Variants in BMI1 observed in about 807,000 individuals in gnomAD.
BMI1 encodes the protein BMI1 proto-oncogene, polycomb ring finger, also known as polycomb complex protein BMI-1.
BMI1 carries 9 observed loss-of-function variants against 39.1 expected under a neutral mutation model. The ratio of observed to expected loss-of-function variants is 0.23; its 90% CI spans 0.14 to 0.40. BMI1 has a LOEUF of 0.40. Among genes scored for constraint, BMI1 ranks in the 10% least tolerant of loss-of-function variants. BMI1 has a pLI of 1.00. For missense variants in BMI1, 252 were observed against 390.8 expected (o/e 0.64, Z 2.99); for synonymous variants, 131 against 127.9 (o/e 1.02, Z -0.16).
chr10:22,328,809 A>G, intron 8 of BMI1, 111 bp downstream of exon 8: 5 of 1,178,900 alleles, frequency 4.2e-6, no homozygotes, highest in African/African-American at 1.6e-5. Context: ...ATGTGAAGTT[A>G]GTGCTAAAGT....
At chr10:22,326,788 T>C in intron 2 of BMI1, 102 bp from the exon 3 acceptor site, 1 of 1,436,974 alleles carries the variant, frequency 7.0e-7, no homozygotes, top group Non-Finnish European at 9.6e-7. Flanking sequence ...TAGTTGGAAA[T>C]GCCTTTCACC....
At chr10:22,326,834 A>G (rs1836166075) in intron 2 of BMI1, 56 bp from the exon 3 acceptor site, 1 of 1,594,124 alleles carries the variant, frequency 6.3e-7, no homozygotes, top group Admixed American at 1.7e-5. Context: ...TTCTAACACC[A>G]ATGATTTATC....
rs377305365 is a variant in BMI1, at chr10:22,326,911, G to C, written c.134G>C (p.Arg45Pro). 1.4e-5 allele frequency: 23 copies of C among 1,613,802 alleles called. No individual in the cohort carries two copies. The highest frequency in any genetic ancestry group is 1.9e-5 in the Non-Finnish European group (22 of 1,179,924). ...CTAGTCTGTAAAACGTGTATTGTTC[G>C]TTACCTGGAGACCAGCAAGTATTGT... ...LHSFCKTCIV[R>P]YLETSKYCPI... Residue 45 changes from arginine to proline, a missense_variant, in exon 3 of 10, where the codon CGT (arginine) becomes CCT (proline). Physicochemically the swap from Arg to Pro is moderately radical, Grantham distance 103. This residue lies in a region of BMI1 where 62 missense variants were observed against 123.3 expected (regional missense o/e 0.50). Transcript: ENST00000376663.
Position 22,321,332 on chromosome 10 carries a change from C to A in BMI1, c.-384C>A. On this transcript the variant is annotated 5_prime_UTR_variant, in exon 1 of 10. Transcript: ENST00000376663. The stretch of plus-strand genomic sequence containing the variant: ...CCCAGCCCCGCAGAATAAAACCGAT[C>A]GCGCCCCCTCCGCGCGCGCCCTCCC... 1 of 154,690 alleles carries A rather than the reference C, an allele frequency of 6.5e-6. No individual in the cohort carries two copies. The highest frequency in any genetic ancestry group is 1.8e-4 in the South Asian group (1 of 5,498). 9.6% of individuals were successfully genotyped at this position (154,690 alleles called of 1,614,324 possible). A position where few individuals can be genotyped will look rare whatever the true frequency, so the allele number is the denominator to read the frequency against.
At chr10:22,326,617 G>T in intron 2 of BMI1, 56 bp downstream of exon 2, 1 of 1,580,688 alleles carries the variant, frequency 6.3e-7, no homozygotes. Context: ...AGTTCGACCT[G>T]GAATTTGAAA....
Position 22,327,780 on chromosome 10 carries a change from C to G in BMI1, c.304C>G (p.Pro102Ala). The G allele has an allele frequency of 6.2e-7, 1 of 1,613,316 alleles. No individual in the cohort carries two copies. Among genetic ancestry groups the G allele is most frequent in the African/African-American group, 1.3e-5 (1 of 75,028 alleles). ...AAGAAGGGATTTTTATGCAGCTCAT[C>G]CTTCTGCTGATGGTAAACCTTTTAG... ...KRRRDFYAAH[P>A]SADAANGSNE... Residue 102 changes from proline (P) to alanine (A), a missense_variant, in exon 5 of 10, where the codon CCT (proline) becomes GCT (alanine). By Grantham distance (27) the Pro-to-Ala change is conservative (BLOSUM62 -1). Transcript: ENST00000376663.
Position 22,321,407 on chromosome 10 carries a change from A to G in BMI1, c.-309A>G, listed in dbSNP as rs932611041. On this transcript the variant is annotated 5_prime_UTR_variant, in exon 1 of 10. Transcript: ENST00000376663. Reference sequence around the variant, plus strand: ...GCGGCGGCCGAGGAGGAGGAGGAGGAGGCCCCGGAGGAGGAGGCGTTGGAG... The same window carrying G: ...GCGGCGGCCGAGGAGGAGGAGGAGGGGGCCCCGGAGGAGGAGGCGTTGGAG... The G allele has an allele frequency of 2.5e-5, 4 of 160,684 alleles. No individual in the cohort carries two copies. The highest frequency in any genetic ancestry group is 2.0e-4 in the Admixed American group (3 of 15,322). The allele number at this position is 160,684 out of a possible 1,614,324, so 10.0% of individuals were successfully genotyped here. A position where few individuals can be genotyped will look rare whatever the true frequency, so the allele number is the denominator to read the frequency against.
rs939813744 is a variant in BMI1 at position 22,321,581 on chromosome 10, C to T, written c.-135C>T. ...GCTGGTTGCCCATTGACAGCGGCGTCTGCAGCTCGCTTCAAGATGGCCGCT... is the reference window on the plus strand; with the variant it reads ...GCTGGTTGCCCATTGACAGCGGCGTTTGCAGCTCGCTTCAAGATGGCCGCT... On this transcript the variant is annotated 5_prime_UTR_variant, in exon 1 of 10. Coordinates refer to ENST00000376663, the MANE Select transcript of BMI1 (RefSeq NM_005180.9). The T allele has an allele frequency of 6.5e-6, 1 of 152,908 alleles. No homozygotes were observed. Among genetic ancestry groups the T allele is most frequent in the African/African-American group, 2.4e-5 (1 of 41,446 alleles). 9.5% of individuals were successfully genotyped at this position (152,908 alleles called of 1,614,324 possible).
rs1836265269 is a variant in BMI1 at position 22,330,729 on chromosome 10, C to T, written c.*1187C>T. ...GCAGTAATTTTAAATTTAAGAGTTG[C>T]TTTTACAGTTAACAATGGAATATGC... On this transcript the variant is annotated 3_prime_UTR_variant, in exon 10 of 10. Transcript: ENST00000376663. 1 of 152,452 alleles carries T rather than the reference C, an allele frequency of 6.6e-6. No individual in the cohort carries two copies. Among genetic ancestry groups the T allele is most frequent in the African/African-American group, 2.4e-5 (1 of 41,408 alleles). 9.4% of individuals were successfully genotyped at this position (152,452 alleles called of 1,614,324 possible).
intron 1 of BMI1, among the ~76,000 whole-genome samples, chr10:22,323,435 A>C (rs966351026): frequency 2.6e-5 from 4 of 152,236 alleles, no homozygotes; most frequent in Non-Finnish European, 5.9e-5. Flanking sequence ...AAGAAAATTA[A>C]GCATTTAATT....
Position 22,327,810 on chromosome 10 carries a change from G to A in BMI1, c.316+18G>A. ...TGCTGATGGTAAACCTTTTAGGGGA[G>A]GGAAGACATTTTATATGGGGGGAGA... On this transcript the variant is annotated intron_variant, in intron 5 of 9. Transcript: ENST00000376663. 2 of 1,612,944 alleles carry A rather than the reference G, an allele frequency of 1.2e-6. No individual in the cohort carries two copies. The highest frequency in any genetic ancestry group is 1.7e-6 in the Non-Finnish European group (2 of 1,179,474).
chr10:22,325,197 C>T (rs1836104196), intron 1 of BMI1, among the ~76,000 whole-genome samples: 1 of 152,184 alleles, frequency 6.6e-6, no homozygotes. Context: ...AGGAGAGCGT[C>T]ACATTAGAGA....
intron 7 of BMI1, 115 bp from the exon 8 acceptor site, chr10:22,328,485 T>C: frequency 9.9e-7 from 1 of 1,014,410 alleles, no homozygotes; most frequent in Non-Finnish European, 1.4e-6. Flanking sequence ...GTTGAGAGGT[T>C]GGTCACCTCC....
rs369054964 is a variant in BMI1 at position 22,328,096 on chromosome 10, T to A, written c.425+38T>A. 1.1e-4 allele frequency: 172 copies of A among 1,593,776 alleles called. 1 individual carries two copies. The highest frequency in any genetic ancestry group is 1.4e-4 in the Non-Finnish European group (169 of 1,174,344). On this transcript the variant is annotated intron_variant, in intron 6 of 9. Coordinates refer to ENST00000376663, the MANE Select transcript of BMI1 (RefSeq NM_005180.9). ...GGCAATTTATTTTATGCTAATGTTT[T>A]ATTAGATTGTTTCACTAATAAATTT...
In BMI1 at chr10:22,330,147, A is replaced by C. The variant is rs1836252440; in HGVS notation, c.*605A>C. The stretch of plus-strand genomic sequence containing the variant: ...TCAGTTTTACAATCTGTATGCCTAA[A>C]AGCGGGTACTACCGTTTATTTTACT... On this transcript the variant is annotated 3_prime_UTR_variant, in exon 10 of 10. Coordinates refer to ENST00000376663, the MANE Select transcript of BMI1 (RefSeq NM_005180.9). 1 of 153,184 alleles carries C rather than the reference A, an allele frequency of 6.5e-6. No homozygotes were observed. The highest frequency in any genetic ancestry group is 2.4e-5 in the African/African-American group (1 of 41,472). The allele number at this position is 153,184 out of a possible 1,614,324, so 9.5% of individuals were successfully genotyped here. A position where few individuals can be genotyped will look rare whatever the true frequency, so the allele number is the denominator to read the frequency against.
rs951387542 is a variant in BMI1, at chr10:22,329,723, AAAAG to A, written c.*187_*190del. On this transcript the variant is annotated 3_prime_UTR_variant, in exon 10 of 10. Coordinates refer to ENST00000376663, the MANE Select transcript of BMI1 (RefSeq NM_005180.9). ...GTGATACTCCTATGGACGTTAATTG[AAAAG>A]AAAGATTGTTGTTATAAAGAATTGG... 4.3e-6 allele frequency: 3 copies of A among 694,344 alleles called. No individual in the cohort carries two copies. In the African/African-American group the frequency reaches 5.4e-5, roughly 13 times the overall value. 43.0% of individuals were successfully genotyped at this position (694,344 alleles called of 1,614,324 possible). A position where few individuals can be genotyped will look rare whatever the true frequency, so the allele number is the denominator to read the frequency against.
At position 22,330,303 on chromosome 10, in the gene BMI1, G is replaced by T. The variant is rs1445984740; in HGVS notation, c.*761G>T. 6.6e-6 allele frequency: 1 copy of T among 152,598 alleles called. No individual in the cohort carries two copies. The highest frequency in any genetic ancestry group is 2.4e-5 in the African/African-American group (1 of 41,446). 9.5% of individuals were successfully genotyped at this position (152,598 alleles called of 1,614,324 possible). A position where few individuals can be genotyped will look rare whatever the true frequency, so the allele number is the denominator to read the frequency against. On this transcript the variant is annotated 3_prime_UTR_variant, in exon 10 of 10. Coordinates refer to ENST00000376663, the MANE Select transcript of BMI1 (RefSeq NM_005180.9). ...TTTATAAATGCTATAAAGAAATATT[G>T]TGTTTCATGCATTCAGAAATGATTG... is the stretch of plus-strand genomic sequence containing the variant.
intron 1 of BMI1, among the ~76,000 whole-genome samples, chr10:22,321,922 C>T (rs923113516): frequency 6.9e-6 from 1 of 144,988 alleles, no homozygotes; most frequent in Non-Finnish European, 1.5e-5. Context: ...CGCCCGCCGC[C>T]GCCCGCCGAC....
chr10:22,324,065 A>G (rs1360389355), intron 1 of BMI1, among the ~76,000 whole-genome samples: 1 of 152,256 alleles, frequency 6.6e-6, no homozygotes, highest in Non-Finnish European at 1.5e-5. Flanking sequence ...CTTTTGGTCA[A>G]GTACATGTGA....
Sources: gnomAD v4.1 joint callset for allele counts (sites outside exome capture counted in the v4.1 genomes callset) on GRCh38, gnomAD v4.1.1 for gene constraint, gnomAD v4.1.1 regional missense constraint, MANE v1.5 for transcripts, NCBI Gene and HGNC (gene_info 2026-07-23, HGNC 2026-07-21) for gene names.